The following GSE1 variants were observed in gnomAD, a reference collection of about 807,000 sequenced individuals.
GSE1 encodes the protein Gse1 coiled-coil protein, also known as genetic suppressor element 1.
Under a neutral mutation model 112.6 loss-of-function variants are expected in GSE1, and 32 were observed. The observed-to-expected ratio is 0.28, with a 90% CI of 0.21 to 0.38. The LOEUF (loss-of-function observed/expected upper bound fraction) is 0.38, where lower values mean the gene tolerates loss of function less well. Among genes scored for constraint, GSE1 ranks in the 10% least tolerant of loss-of-function variants. The probability of loss-of-function intolerance (pLI) is 1.00; values close to 1 mark genes in which losing one functional copy is unlikely to be tolerated. For missense variants in GSE1, 2,348 were observed against 1,699.2 expected (o/e 1.38, Z -6.71); for synonymous variants, 1,115 against 735.6 (o/e 1.52, Z -8.35).
At chr16:85,631,474 G>C (rs1032956790) in intron 1 of GSE1, among the ~76,000 whole-genome samples, 12 of 152,248 alleles carry the variant, frequency 7.9e-5, no homozygotes, top group Middle Eastern at 3.2e-3. Context: ...CTGCCAGCTT[G>C]ACACCATGTG....
chr16:85,580,668 C>T (rs1169472174), intron 1 of GSE1, among the ~76,000 whole-genome samples: 3 of 152,196 alleles, frequency 2.0e-5, no homozygotes, highest in Admixed American at 6.5e-5. Context: ...GTGGAAGCCC[C>T]GACCCTCAGG....
Position 85,388,292 on chromosome 16 carries a change from G to GTGGATGGATGGA in GSE1, c.2464+30676_2464+30687dup, listed in dbSNP as rs760888229. ...GATGGATGGGTGAGTGGATGGGTGG[G>GTGGATGGATGGA]TGGATGGATGGATGGATGGATGGAT... is the stretch of plus-strand genomic sequence containing the variant. On this transcript the variant is annotated intron_variant, in intron 2 of 2. Transcript: ENST00000637419. 2.3e-4 allele frequency among the ~76,000 whole-genome samples: 11 copies of GTGGATGGATGGA among 47,660 alleles called. 1 individual carries two copies. The highest frequency in any genetic ancestry group is 8.8e-4 in the East Asian group (1 of 1,132). 31.3% of individuals were successfully genotyped at this position (47,660 alleles called of 152,430 possible). A position where few individuals can be genotyped will look rare whatever the true frequency, so the allele number is the denominator to read the frequency against.
At chr16:85,195,076 G>A (rs367804189) in intron 1 of GSE1, among the ~76,000 whole-genome samples, 17 of 152,248 alleles carry the variant, frequency 1.1e-4, no homozygotes, top group Admixed American at 6.5e-4. Context: ...CCATCCAATC[G>A]CAGGCATGTA....
chr16:85,250,442 C>T (rs549739781), intron 1 of GSE1, among the ~76,000 whole-genome samples: 1 of 152,312 alleles, frequency 6.6e-6, no homozygotes. Context: ...CTGGTGAGCC[C>T]AGCTGGGGGC....
intron 1 of GSE1, among the ~76,000 whole-genome samples, chr16:85,263,865 G>C (rs1221103585): frequency 6.6e-6 from 1 of 152,090 alleles, no homozygotes; most frequent in African/African-American, 2.4e-5. Context: ...AAGCTGCCAC[G>C]CCTGGCCACT....
intron 2 of GSE1, among the ~76,000 whole-genome samples, chr16:85,637,474 T>C (rs113903682): frequency 4.0e-5 from 6 of 151,652 alleles, no homozygotes; most frequent in Non-Finnish European, 7.4e-5. Context: ...CCCCCTTGAT[T>C]GCAGCAGTGG....
At chr16:85,301,885 C>G (rs1235601115) in intron 1 of GSE1, among the ~76,000 whole-genome samples, 2 of 152,236 alleles carry the variant, frequency 1.3e-5, no homozygotes, top group Non-Finnish European at 2.9e-5. Context: ...GTCCTTGCAT[C>G]CTTGGGTTCT....
At chr16:85,460,295 A>G (rs2049936267) in intron 2 of GSE1, among the ~76,000 whole-genome samples, 1 of 152,144 alleles carries the variant, frequency 6.6e-6, no homozygotes, top group African/African-American at 2.4e-5. Flanking sequence ...AGACACACTG[A>G]TACCTGGACC....
At position 85,656,566 on chromosome 16, in the gene GSE1, G is replaced by A; in HGVS notation, c.1213G>A (p.Glu405Lys). The change falls in exon 7 of 16, where the codon GAG becomes AAG. Residue 405 changes from glutamate (E) to lysine (K), a missense_variant. Coordinates refer to ENST00000253458, the MANE Select transcript of GSE1 (RefSeq NM_014615.5). ...GGAGCTGCTGGCCGCCAAGGCCCTG[G>A]AGCCCAGCTTCCTGCCCGTGGCCGA... ...EKELLAAKAL[E>K]PSFLPVAELH... The A allele has an allele frequency of 6.5e-7, 1 of 1,548,006 alleles. No individual in the cohort carries two copies. The highest frequency in any genetic ancestry group is 8.7e-7 in the Non-Finnish European group (1 of 1,146,102).
intron 1 of GSE1, among the ~76,000 whole-genome samples, chr16:85,329,653 G>C (rs34595882): frequency 2.0e-5 from 3 of 151,836 alleles, no homozygotes; most frequent in Admixed American, 6.5e-5. Flanking sequence ...ATTAAGCGCC[G>C]GTGTTCTGAG....
intron 2 of GSE1, among the ~76,000 whole-genome samples, chr16:85,542,947 G>C (rs1045585366): frequency 1.3e-5 from 2 of 152,190 alleles, no homozygotes; most frequent in Non-Finnish European, 2.9e-5. Context: ...TCTCCTTGTA[G>C]CCGGGCGTGG....
chr16:85,343,525 G>T (rs935547656), intron 1 of GSE1, among the ~76,000 whole-genome samples: 8 of 152,260 alleles, frequency 5.3e-5, no homozygotes, highest in African/African-American at 1.9e-4. Flanking sequence ...GAAGCAGGAA[G>T]GTCGCTTTAA....
At chr16:85,470,201 C>G (rs566601445) in intron 2 of GSE1, among the ~76,000 whole-genome samples, 41 of 152,340 alleles carry the variant, frequency 2.7e-4, no homozygotes, top group African/African-American at 9.4e-4. Context: ...CCACGGCACC[C>G]AGAACTTGCT....
chr16:85,573,710 G>C (rs970725396), intron 1 of GSE1, among the ~76,000 whole-genome samples: 1 of 152,194 alleles, frequency 6.6e-6, no homozygotes, highest in South Asian at 2.1e-4. Context: ...GGGCGCGTCC[G>C]GAGGGGGAGC....
At chr16:85,408,538 T>C (rs79509694) in intron 2 of GSE1, among the ~76,000 whole-genome samples, 23 of 32,142 alleles carry the variant, frequency 7.2e-4, no homozygotes, top group East Asian at 1.7e-3. Flanking sequence ...TAATCCTCAC[T>C]GTTACACTCA....
chr16:85,656,224 C>G (rs2051916471), intron 6 of GSE1, 119 bp from the exon 7 acceptor site: 3 of 1,265,254 alleles, frequency 2.4e-6, no homozygotes, highest in East Asian at 2.3e-5. Flanking sequence ...GGCTCACCTC[C>G]CGTCACTGTT....
At chr16:85,380,325 C>G (rs773684649) in intron 2 of GSE1, among the ~76,000 whole-genome samples, 2 of 152,166 alleles carry the variant, frequency 1.3e-5, no homozygotes, top group African/African-American at 4.8e-5. Flanking sequence ...CAGAGGGAGA[C>G]AAGTCCAAGA....
intron 1 of GSE1, among the ~76,000 whole-genome samples, chr16:85,305,256 C>G (rs568656213): frequency 3.3e-5 from 5 of 152,232 alleles, no homozygotes; most frequent in East Asian, 1.9e-4. Flanking sequence ...GCTAGAATCT[C>G]TGACGATGGA....
intron 2 of GSE1, among the ~76,000 whole-genome samples, chr16:85,524,419 A>G (rs1291654147): frequency 6.6e-6 from 1 of 152,152 alleles, no homozygotes; most frequent in East Asian, 1.9e-4. Flanking sequence ...ATGGGATAGC[A>G]GAGACATAAG....
Sources: allele counts gnomAD v4.1 joint callset (sites outside exome capture counted in the v4.1 genomes callset), GRCh38; gene constraint gnomAD v4.1.1; transcripts MANE v1.5; gene names NCBI Gene and HGNC (gene_info 2026-07-23, HGNC 2026-07-21).